NVL: variants seen among roughly 807,000 people sequenced by gnomAD.
NVL encodes the protein nuclear valosin-containing protein-like.
Under a neutral mutation model 110.2 loss-of-function variants are expected in NVL, and 84 were observed. The observed-to-expected ratio is 0.76, with a 90% CI of 0.64 to 0.91. The LOEUF is 0.91. Ranked by LOEUF, NVL falls within the 40% of genes least tolerant of loss-of-function variation. The probability of loss-of-function intolerance (pLI) is 0.00; values close to 1 mark genes in which losing one functional copy is unlikely to be tolerated. For synonymous variants in NVL, 354 were observed against 361.1 expected (o/e 0.98, Z 0.22); for missense variants, 882 against 1,035.9 (o/e 0.85, Z 2.04).
At chr1:224,233,341 G>GA (rs1172676032) in intron 20 of NVL, 52 bp from the exon 21 acceptor site, 8 of 1,408,242 alleles carry the variant, frequency 5.7e-6, no homozygotes, top group Admixed American at 2.5e-5. Flanking sequence ...CAAAATCCCA[G>GA]AAAAAAACCC....
chr1:224,288,909 T>G (rs1387622765), intron 13 of NVL, among the ~76,000 whole-genome samples: 1 of 152,222 alleles, frequency 6.6e-6, no homozygotes, highest in Non-Finnish European at 1.5e-5. Context: ...TGTCCCCTAT[T>G]ATTCACATGA....
intron 6 of NVL, among the ~76,000 whole-genome samples, chr1:224,306,687 C>T (rs1033471216): frequency 1.3e-5 from 2 of 152,054 alleles, no homozygotes; most frequent in Admixed American, 6.6e-5. Flanking sequence ...CAAAACTTAG[C>T]CAGGTGTGGT....
At chr1:224,326,204 G>T (rs891532179) in intron 2 of NVL, among the ~76,000 whole-genome samples, 187 bp downstream of exon 2, 1 of 152,188 alleles carries the variant, frequency 6.6e-6, no homozygotes, top group Admixed American at 6.5e-5. Flanking sequence ...CAGTACAAAA[G>T]ACATTTTACT....
At chr1:224,312,041 G>A (rs1190684837) in intron 4 of NVL, 184 bp from the exon 5 acceptor site, 11 of 521,784 alleles carry the variant, frequency 2.1e-5, no homozygotes, top group Admixed American at 3.6e-5. Flanking sequence ...CTCTCTAAGC[G>A]TCAGCTTCCT....
At chr1:224,244,518 C>T (rs1023232312) in intron 19 of NVL, among the ~76,000 whole-genome samples, 2 of 151,676 alleles carry the variant, frequency 1.3e-5, no homozygotes, top group Admixed American at 6.6e-5. Flanking sequence ...GTTGCCCAGG[C>T]TGGAGTGCAG....
chr1:224,298,301 C>A (rs1668068593), intron 10 of NVL: 2 of 273,506 alleles, frequency 7.3e-6, no homozygotes, highest in East Asian at 1.2e-4. Flanking sequence ...GTGTTACCAC[C>A]ACAAAACTGG....
intron 3 of NVL, 29 bp from the exon 4 acceptor site, chr1:224,317,822 T>C (rs1558357662): frequency 6.4e-7 from 1 of 1,562,248 alleles, no homozygotes; most frequent in East Asian, 2.2e-5. Flanking sequence ...CGCTATGAGC[T>C]AAAACAATCG....
intron 16 of NVL, among the ~76,000 whole-genome samples, chr1:224,277,249 T>A (rs768668119): frequency 6.6e-6 from 1 of 152,232 alleles, no homozygotes; most frequent in Non-Finnish European, 1.5e-5. Flanking sequence ...CAGATTTTTC[T>A]GTCATAACAT....
intron 6 of NVL, among the ~76,000 whole-genome samples, chr1:224,306,196 T>C (rs1382368123): frequency 6.6e-6 from 1 of 152,014 alleles, no homozygotes; most frequent in Non-Finnish European, 1.5e-5. Flanking sequence ...GGCTATAGTG[T>C]TCTGTGATCA....
intron 2 of NVL, among the ~76,000 whole-genome samples, chr1:224,324,911 A>T (rs1670991650): frequency 6.6e-6 from 1 of 152,172 alleles, no homozygotes; most frequent in African/African-American, 2.4e-5. Flanking sequence ...TTGATGTCCT[A>T]ACCCCCAGTA....
intron 5 of NVL, among the ~76,000 whole-genome samples, chr1:224,309,151 GC>G (rs1460008061): frequency 2.6e-5 from 4 of 151,722 alleles, no homozygotes; most frequent in Admixed American, 1.3e-4. Flanking sequence ...AAGTATGGTT[GC>G]TTCGAAAAAA....
chr1:224,319,286 G>T (rs1670412806), intron 2 of NVL, among the ~76,000 whole-genome samples: 1 of 150,914 alleles, frequency 6.6e-6, no homozygotes, highest in South Asian at 2.1e-4. Flanking sequence ...CCAAAAAATG[G>T]TCTTTATAGT....
intron 20 of NVL, among the ~76,000 whole-genome samples, chr1:224,234,996 TCTTA>T (rs1169321002): frequency 6.6e-6 from 1 of 151,886 alleles, no homozygotes; most frequent in Non-Finnish European, 1.5e-5. Context: ...AGAGATGGGG[TCTTA>T]CTATGTTGCC....
intron 19 of NVL, among the ~76,000 whole-genome samples, chr1:224,243,156 C>A (rs1558244139): frequency 6.6e-6 from 1 of 151,764 alleles, no homozygotes; most frequent in African/African-American, 2.4e-5. Flanking sequence ...TTCACACAGT[C>A]GACTGTGAAA....
intron 18 of NVL, among the ~76,000 whole-genome samples, chr1:224,252,353 C>T (rs1662600614): frequency 6.6e-6 from 1 of 152,122 alleles, no homozygotes; most frequent in South Asian, 2.1e-4. Flanking sequence ...CCTGACTCCT[C>T]CACAAAGACC....
At chr1:224,239,713 T>TG (rs1489201758) in intron 19 of NVL, among the ~76,000 whole-genome samples, 1 of 152,216 alleles carries the variant, frequency 6.6e-6, no homozygotes, top group Non-Finnish European at 1.5e-5. Context: ...CACAAGGTCC[T>TG]GTGCATCCTC....
intron 4 of NVL, chr1:224,312,880 ATTTTT>A (rs1159514298): frequency 7.0e-6 from 1 of 143,214 alleles, no homozygotes. Flanking sequence ...TATTTAAATA[ATTTTT>A]TTTTTTTTTT....
At chr1:224,256,001 T>C (rs1663181338) in intron 18 of NVL, among the ~76,000 whole-genome samples, 1 of 152,238 alleles carries the variant, frequency 6.6e-6, no homozygotes, top group African/African-American at 2.4e-5. Context: ...GCATTGCCTT[T>C]GTGCTTTTTA....
intron 19 of NVL, among the ~76,000 whole-genome samples, chr1:224,240,650 A>ATG (rs1406096296): frequency 2.0e-5 from 3 of 152,194 alleles, no homozygotes; most frequent in Non-Finnish European, 4.4e-5. Context: ...GAGGTGGGGT[A>ATG]TGAACTTCAC....
Sources: gnomAD v4.1 joint callset for allele counts (sites outside exome capture counted in the v4.1 genomes callset) on GRCh38, gnomAD v4.1.1 for gene constraint, MANE v1.5 for transcripts, NCBI Gene and HGNC (gene_info 2026-07-23, HGNC 2026-07-21) for gene names.